The following CSMD1 variants were observed in gnomAD, a reference collection of about 807,000 sequenced individuals.
CSMD1 encodes the protein CUB and sushi domain-containing protein 1.
CSMD1 carries 213 observed loss-of-function variants against 417.5 expected under a neutral mutation model. The observed-to-expected ratio is 0.51, with a 90% CI of 0.46 to 0.57. CSMD1 has a LOEUF of 0.57. CSMD1 is among the 20% of genes least tolerant of loss of function. The pLI is 0.00. For synonymous variants in CSMD1, 2,862 were observed against 1,736.8 expected, an observed-to-expected ratio of 1.65 and a Z score of -16.11; for missense variants, 6,923 against 4,529.7, an observed-to-expected ratio of 1.53 and a Z score of -15.17.
chr8:4,492,481 T>A (rs1008514415), intron 2 of CSMD1, among the ~76,000 whole-genome samples: 2 of 152,192 alleles, frequency 1.3e-5, no homozygotes, highest in Non-Finnish European at 2.9e-5. Flanking sequence ...GATTCCTCAG[T>A]ATATATAAAG....
chr8:3,590,340 G>C (rs141253222), intron 8 of CSMD1, among the ~76,000 whole-genome samples: 3 of 152,070 alleles, frequency 2.0e-5, no homozygotes, highest in African/African-American at 7.2e-5. Context: ...AAACACTTAG[G>C]CTGTTTCTAT....
At chr8:2,950,486 G>T in intron 66 of CSMD1, 143 bp from the exon 67 acceptor site, 3 of 602,592 alleles carry the variant, frequency 5.0e-6, no homozygotes, top group Non-Finnish European at 5.9e-6. Flanking sequence ...TTTTATTTGT[G>T]AATTTTAGCT....
rs571023916 is a variant in CSMD1, at chr8:3,946,776, T to G, written c.818+51127A>C. Among the ~76,000 whole-genome samples the G allele has an allele frequency of 2.4e-3, 362 of 152,300 alleles. 3 individuals carry two copies. The highest frequency in any genetic ancestry group is 8.0e-3 in the African/African-American group (334 of 41,568). The stretch of plus-strand genomic sequence containing the variant: ...GTTTTACAGTTTCAGCATGCAGTCT[T>G]GCATGTATCTTCTTAAATTTATTAC... On this transcript the variant is annotated intron_variant, in intron 5 of 69. Coordinates refer to ENST00000635120, the MANE Select transcript of CSMD1 (RefSeq NM_033225.6).
At chr8:3,792,023 G>C (rs1355694827) in intron 5 of CSMD1, among the ~76,000 whole-genome samples, 1 of 151,898 alleles carries the variant, frequency 6.6e-6, no homozygotes, top group African/African-American at 2.4e-5. Flanking sequence ...CTAATGTTTT[G>C]ACAGTCAATT....
intron 3 of CSMD1, among the ~76,000 whole-genome samples, chr8:4,366,787 C>A (rs1297765868): frequency 6.6e-6 from 1 of 152,056 alleles, no homozygotes; most frequent in Non-Finnish European, 1.5e-5. Flanking sequence ...ATACATGTGC[C>A]ATGCTGCTGT....
intron 2 of CSMD1, among the ~76,000 whole-genome samples, chr8:4,436,295 TC>T (rs907211322): frequency 6.6e-6 from 1 of 152,200 alleles, no homozygotes; most frequent in African/African-American, 2.4e-5. Flanking sequence ...GGTGTTTTTT[TC>T]ATCTTATCTG....
intron 63 of CSMD1, among the ~76,000 whole-genome samples, chr8:2,957,312 C>A (rs547288544): frequency 1.3e-5 from 2 of 152,268 alleles, no homozygotes; most frequent in South Asian, 2.1e-4. Context: ...AATAATAGCA[C>A]GTACAAATAA....
chr8:3,556,363 C>A (rs1008120931), intron 10 of CSMD1, among the ~76,000 whole-genome samples: 1 of 117,202 alleles, frequency 8.5e-6, no homozygotes, highest in Non-Finnish European at 1.8e-5. Flanking sequence ...GCTATCTACC[C>A]ACAAAGATTT....
chr8:3,226,690 G>A (rs202193646), intron 27 of CSMD1, among the ~76,000 whole-genome samples: 2 of 151,732 alleles, frequency 1.3e-5, no homozygotes, highest in Non-Finnish European at 2.9e-5. Context: ...AAGTCATTTC[G>A]GATGTAACAA....
chr8:4,742,873 T>G (rs781098155), intron 1 of CSMD1, among the ~76,000 whole-genome samples: 1 of 152,184 alleles, frequency 6.6e-6, no homozygotes, highest in Non-Finnish European at 1.5e-5. Context: ...AATGGTCTGT[T>G]TATAAGAGAC....
At chr8:3,768,640 C>T (rs572210263) in intron 5 of CSMD1, among the ~76,000 whole-genome samples, 2 of 152,154 alleles carry the variant, frequency 1.3e-5, no homozygotes, top group African/African-American at 4.8e-5. Flanking sequence ...TTTATTTTCA[C>T]TTGCTCCAGA....
At chr8:4,587,223 T>A (rs1799745569) in intron 2 of CSMD1, among the ~76,000 whole-genome samples, 1 of 152,168 alleles carries the variant, frequency 6.6e-6, no homozygotes, top group East Asian at 1.9e-4. Context: ...AAATGAGTTT[T>A]CTCCACTTGT....
At chr8:3,099,240 A>G (rs1815560974) in intron 46 of CSMD1, among the ~76,000 whole-genome samples, 1 of 152,154 alleles carries the variant, frequency 6.6e-6, no homozygotes, top group Non-Finnish European at 1.5e-5. Flanking sequence ...TGGGAAGCAT[A>G]AATAAACTTT....
intron 1 of CSMD1, among the ~76,000 whole-genome samples, chr8:4,904,094 G>C (rs191568549): frequency 2.6e-5 from 4 of 152,084 alleles, no homozygotes; most frequent in Admixed American, 1.3e-4. Context: ...AACCAGGATA[G>C]GATAGGCTCG....
intron 3 of CSMD1, among the ~76,000 whole-genome samples, chr8:4,197,533 G>A (rs1403109071): frequency 6.6e-6 from 1 of 152,126 alleles, no homozygotes; most frequent in Admixed American, 6.6e-5. Flanking sequence ...TTGCCTGATG[G>A]TCTTCCAACT....
chr8:4,924,981 T>C (rs947648998), intron 1 of CSMD1, among the ~76,000 whole-genome samples: 3 of 152,096 alleles, frequency 2.0e-5, no homozygotes, highest in African/African-American at 7.2e-5. Context: ...CCATGGTGTC[T>C]ACATTGCATA....
intron 1 of CSMD1, among the ~76,000 whole-genome samples, chr8:4,892,627 G>T (rs559164523): frequency 6.6e-6 from 1 of 152,014 alleles, no homozygotes; most frequent in South Asian, 2.1e-4. Context: ...TTCCTTAGAC[G>T]TGAACACTTA....
intron 10 of CSMD1, among the ~76,000 whole-genome samples, chr8:3,556,351 TA>T (rs1411414517): frequency 6.9e-6 from 1 of 145,860 alleles, no homozygotes; most frequent in Non-Finnish European, 1.5e-5. Flanking sequence ...TTGATTTTAT[TA>T]GCTATCTACC....
intron 3 of CSMD1, among the ~76,000 whole-genome samples, chr8:4,340,445 C>T (rs989633427): frequency 5.9e-5 from 9 of 152,064 alleles, no homozygotes; most frequent in African/African-American, 4.8e-5. Context: ...CTGCGCATTC[C>T]TTGAAGGAAT....
Sources: gnomAD v4.1 joint callset for allele counts (sites outside exome capture counted in the v4.1 genomes callset) on GRCh38, gnomAD v4.1.1 for gene constraint, MANE v1.5 for transcripts, NCBI Gene and HGNC (gene_info 2026-07-23, HGNC 2026-07-21) for gene names.